UBE2E2: variants seen among roughly 807,000 people sequenced by gnomAD.
UBE2E2 encodes the protein ubiquitin conjugating enzyme E2 E2, also known as ubiquitin-conjugating enzyme E2 E2.
Under a neutral mutation model 24.7 loss-of-function variants are expected in UBE2E2, and 6 were observed. The ratio of observed to expected loss-of-function variants is 0.24; its 90% confidence interval spans 0.13 to 0.48. UBE2E2 has a LOEUF of 0.48. Among genes scored for constraint, UBE2E2 ranks in the 20% least tolerant of loss-of-function variants. The pLI is 0.99. For missense variants in UBE2E2, 169 were observed against 245.0 expected, an observed-to-expected ratio of 0.69 and a Z score of 2.07; for synonymous variants, 104 against 83.6, an observed-to-expected ratio of 1.24 and a Z score of -1.33.
intron 5 of UBE2E2, among the ~76,000 whole-genome samples, chr3:23,561,756 G>A (rs1392891744): frequency 6.6e-6 from 1 of 152,046 alleles, no homozygotes; most frequent in African/African-American, 2.4e-5. Flanking sequence ...ATTGAGCAGT[G>A]GTTTGTGGTT....
chr3:23,288,831 A>G (rs1290691122), intron 3 of UBE2E2, among the ~76,000 whole-genome samples: 4 of 152,134 alleles, frequency 2.6e-5, no homozygotes, highest in Non-Finnish European at 1.5e-5. Flanking sequence ...ATTTTTTCAA[A>G]TGTGATGTAT....
rs190332673 is a variant in UBE2E2, at chr3:23,228,253, T to A, written c.227+10941T>A. ...TTATTTCTGGTCTTTGAATTTTTTT[T>A]AAATTCTTTACTGCTTTAAAAACGA... On this transcript the variant is annotated intron_variant, in intron 3 of 5. Transcript: ENST00000396703. Among the ~76,000 whole-genome samples, 791 of 152,324 alleles carry A rather than the reference T, an allele frequency of 5.2e-3. 6 individuals are homozygous for A. The highest frequency in any genetic ancestry group is 0.017 in the African/African-American group (718 of 41,584).
chr3:23,316,223 A>T (rs369799202), intron 3 of UBE2E2, among the ~76,000 whole-genome samples: 6 of 152,090 alleles, frequency 3.9e-5, no homozygotes, highest in Non-Finnish European at 7.4e-5. Context: ...TAGGTCCTGT[A>T]TGGGTCCAGA....
At chr3:23,541,220 C>T (rs1199636932) in intron 5 of UBE2E2, among the ~76,000 whole-genome samples, 2 of 152,186 alleles carry the variant, frequency 1.3e-5, no homozygotes, top group Non-Finnish European at 2.9e-5. Flanking sequence ...TGAGTCAGAT[C>T]CCATAACAAA....
chr3:23,464,703 A>G (rs907103665), intron 3 of UBE2E2, among the ~76,000 whole-genome samples: 1 of 152,174 alleles, frequency 6.6e-6, no homozygotes, highest in Non-Finnish European at 1.5e-5. Context: ...TAGTGAGAAA[A>G]TACTTCTCTA....
intron 4 of UBE2E2, among the ~76,000 whole-genome samples, chr3:23,529,737 TA>T (rs1401915077): frequency 6.6e-6 from 1 of 152,252 alleles, no homozygotes; most frequent in Non-Finnish European, 1.5e-5. Flanking sequence ...ATTTAGCACT[TA>T]AAGGGATAGG....
chr3:23,401,948 C>G (rs1004690202), intron 3 of UBE2E2, among the ~76,000 whole-genome samples: 2 of 149,688 alleles, frequency 1.3e-5, no homozygotes, highest in African/African-American at 5.0e-5. Flanking sequence ...CCTCTACCTC[C>G]TGGGTTCAAG....
intron 3 of UBE2E2, among the ~76,000 whole-genome samples, chr3:23,433,832 C>T (rs571512580): frequency 3.3e-5 from 5 of 151,966 alleles, no homozygotes; most frequent in African/African-American, 1.2e-4. Context: ...TATATCATGT[C>T]TTGCTTTTTC....
intron 4 of UBE2E2, among the ~76,000 whole-genome samples, chr3:23,526,721 T>C (rs555495959): frequency 5.3e-5 from 8 of 152,328 alleles, no homozygotes; most frequent in Admixed American, 5.2e-4. Flanking sequence ...TGGGAGTCTC[T>C]GACATTAGAA....
At chr3:23,555,996 G>A (rs1323067514) in intron 5 of UBE2E2, among the ~76,000 whole-genome samples, 1 of 151,976 alleles carries the variant, frequency 6.6e-6, no homozygotes, top group African/African-American at 2.4e-5. Context: ...TAAATGAGTA[G>A]ATTATAGCTG....
intron 3 of UBE2E2, among the ~76,000 whole-genome samples, chr3:23,372,228 G>A (rs1696415878): frequency 6.6e-6 from 1 of 152,160 alleles, no homozygotes; most frequent in African/African-American, 2.4e-5. Flanking sequence ...GCAGGAAAAA[G>A]CACACTCCTA....
intron 5 of UBE2E2, among the ~76,000 whole-genome samples, chr3:23,549,431 C>A: frequency 6.6e-6 from 1 of 152,232 alleles, no homozygotes; most frequent in East Asian, 1.9e-4. Flanking sequence ...TTATACCTTG[C>A]CATGTTAAAG....
chr3:23,295,307 T>G (rs955721279), intron 3 of UBE2E2, among the ~76,000 whole-genome samples: 2 of 152,200 alleles, frequency 1.3e-5, no homozygotes, highest in African/African-American at 4.8e-5. Context: ...TTTATTTTTG[T>G]TTTTGGCTGT....
chr3:23,212,827 C>T (rs1696366352), intron 2 of UBE2E2, among the ~76,000 whole-genome samples: 2 of 151,944 alleles, frequency 1.3e-5, no homozygotes, highest in African/African-American at 4.8e-5. Context: ...TTTATGTGCA[C>T]AATTATTGAT....
At chr3:23,580,956 G>A (rs577769178) in intron 5 of UBE2E2, among the ~76,000 whole-genome samples, 1 of 152,246 alleles carries the variant, frequency 6.6e-6, no homozygotes, top group Non-Finnish European at 1.5e-5. Flanking sequence ...GTAATGTCAC[G>A]TAACTTCCTA....
At chr3:23,329,383 C>T (rs1375189387) in intron 3 of UBE2E2, among the ~76,000 whole-genome samples, 1 of 152,036 alleles carries the variant, frequency 6.6e-6, no homozygotes, top group Non-Finnish European at 1.5e-5. Context: ...TTTGAATGTT[C>T]TGGAAACAGT....
intron 4 of UBE2E2, among the ~76,000 whole-genome samples, chr3:23,519,843 A>AT (rs11442997): frequency 0.37 from 55,298 of 148,006 alleles, 11,147 homozygotes; most frequent in African/African-American, 0.55. Context: ...TGCCCAGCTA[A>AT]TTTTTTTTTT....
chr3:23,317,630 C>A (rs879514533), intron 3 of UBE2E2, among the ~76,000 whole-genome samples: 3 of 152,114 alleles, frequency 2.0e-5, no homozygotes, highest in Non-Finnish European at 2.9e-5. Context: ...ACTTGAATGG[C>A]AGCAGACAGA....
At chr3:23,473,633 G>A (rs1699070889) in intron 3 of UBE2E2, among the ~76,000 whole-genome samples, 1 of 151,986 alleles carries the variant, frequency 6.6e-6, no homozygotes. Context: ...TCATTCTCAT[G>A]CCTTTGCATC....
Sources: allele counts gnomAD v4.1 joint callset (sites outside exome capture counted in the v4.1 genomes callset), GRCh38; gene constraint gnomAD v4.1.1; transcripts MANE v1.5; gene names NCBI Gene and HGNC (gene_info 2026-07-23, HGNC 2026-07-21).